DNAJC6: variants seen among roughly 807,000 people sequenced by gnomAD.
DNAJC6 encodes auxilin.
In DNAJC6, 34 loss-of-function variants were observed where a neutral mutation model predicts 110.0. The observed-to-expected ratio is 0.31, with a 90% CI of 0.24 to 0.41. The LOEUF (loss-of-function observed/expected upper bound fraction) is 0.41. Among genes scored for constraint, DNAJC6 ranks in the 10% least tolerant of loss-of-function variants. The pLI, the probability that DNAJC6 is intolerant of heterozygous loss-of-function variation, is 1.00. For missense variants in DNAJC6, 1,031 were observed against 1,207.8 expected (o/e 0.85, Z 2.17); for synonymous variants, 406 against 437.2 (o/e 0.93, Z 0.89).
intron 1 of DNAJC6, among the ~76,000 whole-genome samples, chr1:65,348,287 T>C (rs1454330166): frequency 6.6e-6 from 1 of 152,228 alleles, no homozygotes; most frequent in Non-Finnish European, 1.5e-5. Context: ...GGGTATATTC[T>C]TCAGTTGTTG....
At chr1:65,389,493 C>G (rs778494257) in intron 10 of DNAJC6, 44 bp downstream of exon 10, 25 of 1,613,488 alleles carry the variant, frequency 1.5e-5, no homozygotes, top group Non-Finnish European at 2.1e-5. Flanking sequence ...TGAAGCCTCT[C>G]TGTTATTTAT....
intron 14 of DNAJC6, among the ~76,000 whole-genome samples, chr1:65,401,450 C>G (rs1646029529): frequency 6.6e-6 from 1 of 152,186 alleles, no homozygotes; most frequent in African/African-American, 2.4e-5. Flanking sequence ...AATCCAGATC[C>G]AGACCTAACT....
intron 1 of DNAJC6, among the ~76,000 whole-genome samples, chr1:65,302,207 A>G (rs1327113590): frequency 1.4e-5 from 2 of 142,714 alleles, no homozygotes; most frequent in African/African-American, 5.1e-5. Flanking sequence ...ATACATTAAT[A>G]TATTATATCA....
At chr1:65,335,272 C>A (rs962272085) in intron 1 of DNAJC6, among the ~76,000 whole-genome samples, 18 of 89,724 alleles carry the variant, frequency 2.0e-4, no homozygotes, top group African/African-American at 1.1e-3. Flanking sequence ...CCACGCCCAG[C>A]TAATTTTTTT....
At chr1:65,335,537 A>G (rs1271123079) in intron 1 of DNAJC6, among the ~76,000 whole-genome samples, 1 of 152,240 alleles carries the variant, frequency 6.6e-6, no homozygotes, top group Non-Finnish European at 1.5e-5. Flanking sequence ...TAGGGTGATC[A>G]GGAAAGCATC....
chr1:65,406,678 G>A lies in DNAJC6; in HGVS notation c.2491+545G>A, dbSNP rs148568067. Among the ~76,000 whole-genome samples the A allele has an allele frequency of 1.3e-4, 20 of 152,240 alleles. No individual in the cohort carries two copies. The East Asian group carries it at 1.7e-3, about 13-fold the overall frequency. On this transcript the variant is annotated intron_variant, in intron 16 of 18. Coordinates refer to ENST00000371069, the MANE Select transcript of DNAJC6 (RefSeq NM_001256864.2). ...TGCTTGGTGGATTCCTGAGATCAGC[G>A]GGGTACCTATGATGGTGCCAACACC...
At chr1:65,304,376 A>G (rs910749494) in intron 1 of DNAJC6, among the ~76,000 whole-genome samples, 1 of 152,098 alleles carries the variant, frequency 6.6e-6, no homozygotes, top group Non-Finnish European at 1.5e-5. Context: ...CTCCTCTTCT[A>G]TCTTGTGTGT....
chr1:65,301,199 A>T (rs1215839755), intron 1 of DNAJC6, among the ~76,000 whole-genome samples: 1 of 152,184 alleles, frequency 6.6e-6, no homozygotes, highest in Non-Finnish European at 1.5e-5. Flanking sequence ...TGCTTCCATG[A>T]GTTGCTCTTG....
At chr1:65,409,599 GC>G (rs1646109739) in intron 17 of DNAJC6, among the ~76,000 whole-genome samples, 2 of 151,824 alleles carry the variant, frequency 1.3e-5, no homozygotes, top group South Asian at 4.2e-4. Flanking sequence ...ATTGACTGAA[GC>G]CCCCAGGATC....
intron 1 of DNAJC6, among the ~76,000 whole-genome samples, chr1:65,275,185 G>A (rs535114564): frequency 4.8e-4 from 73 of 151,606 alleles, no homozygotes; most frequent in African/African-American, 1.7e-3. Flanking sequence ...CATTTCTTTC[G>A]GATTTTTTGT....
Position 65,413,895 on chromosome 1 carries a change from G to C in DNAJC6, c.*870G>C, listed in dbSNP as rs544000071. ...TTGTTTAGCCAAGAAAACATTCTTA[G>C]TTGGAAACAGGTGGTAAAGTAGTTT... On this transcript the variant is annotated 3_prime_UTR_variant, in exon 19 of 19. Transcript: ENST00000371069. 1 of 152,332 alleles carries C rather than the reference G, an allele frequency of 6.6e-6. No homozygotes were observed. Among genetic ancestry groups the C allele is most frequent in the South Asian group, 2.1e-4 (1 of 4,830 alleles). 9.4% of individuals were successfully genotyped at this position (152,332 alleles called of 1,614,324 possible).
Position 65,309,810 on chromosome 1 carries a change from T to C in DNAJC6, c.65T>C (p.Val22Ala). ...SNDGYESLQLVDSNGDLSAGS... is the reference protein window; with the variant it reads ...SNDGYESLQLADSNGDLSAGS... ...GATGGTTATGAATCTTTGCAGCTGG[T>C]GGACAGTAACGGGGACTTAAGTGCG... The change falls in exon 1 of 19, where the codon GTG (valine) becomes GCG (alanine). Residue 22 changes from valine to alanine, a missense_variant. Coordinates refer to ENST00000371069, the MANE Select transcript of DNAJC6 (RefSeq NM_001256864.2). 6.5e-7 allele frequency: 1 copy of C among 1,549,702 alleles called. No homozygotes were observed. Among genetic ancestry groups the C allele is most frequent in the Non-Finnish European group, 8.7e-7 (1 of 1,146,570 alleles).
rs555485701 is a variant in DNAJC6 at position 65,294,325 on chromosome 1, G to A, written c.-131+29393G>A. Among the ~76,000 whole-genome samples the A allele has an allele frequency of 2.0e-5, 3 of 152,164 alleles. No homozygotes were observed. The East Asian group carries it at 5.8e-4, about 29-fold the overall frequency. Reference sequence around the variant, plus strand: ...TTGAACATCAGTTCTTATTGTATGGGTAACATAAATAAGAAGCAGAAAATG... The same window carrying A: ...TTGAACATCAGTTCTTATTGTATGGATAACATAAATAAGAAGCAGAAAATG... On this transcript the variant is annotated intron_variant, in intron 1 of 19. Transcript: ENST00000263441.
At position 65,376,533 on chromosome 1, in the gene DNAJC6, C is replaced by T. The variant is rs1645768081; in HGVS notation, c.544-2869C>T. On this transcript the variant is annotated intron_variant, in intron 4 of 18. Coordinates refer to ENST00000371069, the MANE Select transcript of DNAJC6 (RefSeq NM_001256864.2). ...CGATATAGGTGTTTATTGCTATAAA[C>T]TTTCCTCTTAGTACTTCTTTTGCTG... is the stretch of plus-strand genomic sequence containing the variant. Among the ~76,000 whole-genome samples, 3 of 151,686 alleles carry T rather than the reference C, an allele frequency of 2.0e-5. No homozygotes were observed. In the South Asian group the frequency reaches 6.2e-4, roughly 32 times the overall value.
intron 1 of DNAJC6, chr1:65,279,332 AG>A: frequency 4.4e-6 from 1 of 224,848 alleles, no homozygotes; most frequent in Non-Finnish European, 7.4e-6. Context: ...GCTGCAGGGA[AG>A]GGGACGTGCC....
At chr1:65,388,312 T>C (rs1326268935) in intron 8 of DNAJC6, 24 bp from the exon 9 acceptor site, 3 of 1,599,846 alleles carry the variant, frequency 1.9e-6, no homozygotes, top group Non-Finnish European at 8.6e-7. Context: ...TTGATTGTAA[T>C]GTGCTTCTCT....
At chr1:65,275,001 T>C (rs1653622782) in intron 1 of DNAJC6, among the ~76,000 whole-genome samples, 1 of 152,222 alleles carries the variant, frequency 6.6e-6, no homozygotes, top group Admixed American at 6.5e-5. Flanking sequence ...CTTAGAAGAC[T>C]TTAACTCCAT....
At chr1:65,381,192 C>T (rs1009080962) in intron 5 of DNAJC6, among the ~76,000 whole-genome samples, 22 of 151,800 alleles carry the variant, frequency 1.4e-4, no homozygotes, top group Admixed American at 5.2e-4. Context: ...GCTGGGATTA[C>T]AGGCGTGACC....
chr1:65,311,646 A>T (rs961218458), intron 1 of DNAJC6, among the ~76,000 whole-genome samples: 1 of 152,216 alleles, frequency 6.6e-6, no homozygotes, highest in Non-Finnish European at 1.5e-5. Flanking sequence ...AAAAAGATTC[A>T]TGTTCTCTGA....
Sources: gnomAD v4.1 joint callset for allele counts (sites outside exome capture counted in the v4.1 genomes callset) on GRCh38, gnomAD v4.1.1 for gene constraint, MANE v1.5 for transcripts, NCBI Gene and HGNC (gene_info 2026-07-23, HGNC 2026-07-21) for gene names.